The following NUBPL variants were observed in gnomAD, a reference collection of about 807,000 sequenced individuals.
The protein encoded by NUBPL is iron-sulfur cluster transfer protein NUBPL.
NUBPL carries 31 observed loss-of-function variants against 45.7 expected under a neutral mutation model. The observed-to-expected ratio is 0.68, with a 90% CI of 0.51 to 0.92. The LOEUF is 0.92. NUBPL is among the 40% of genes least tolerant of loss of function. The pLI, the probability that NUBPL is intolerant of heterozygous loss-of-function variation, is 0.00. For synonymous variants in NUBPL, 144 were observed against 140.9 expected (o/e 1.02, Z -0.15); for missense variants, 401 against 398.7 (o/e 1.01, Z -0.05).
rs182123084 is a variant in NUBPL at position 31,573,308 on chromosome 14, C to T, written c.291+8260C>T. The stretch of plus-strand genomic sequence containing the variant: ...GTATTCCATGATTCTACTTGGCCCT[C>T]TTCTCATTTTATACTCTACCTAGTG... On this transcript the variant is annotated intron_variant, in intron 3 of 10. Transcript: ENST00000281081. Among the ~76,000 whole-genome samples the T allele has an allele frequency of 1.6e-4, 24 of 152,248 alleles. No homozygotes were observed. In the East Asian group the frequency reaches 1.9e-3, roughly 12 times the overall value.
intron 6 of NUBPL, among the ~76,000 whole-genome samples, chr14:31,787,097 G>A (rs746099649): frequency 2.6e-5 from 4 of 152,086 alleles, no homozygotes; most frequent in Non-Finnish European, 4.4e-5. Flanking sequence ...GTCATTCCAC[G>A]TTTCTGCTTT....
At chr14:31,788,434 A>G (rs969121816) in intron 7 of NUBPL, among the ~76,000 whole-genome samples, 18 of 152,020 alleles carry the variant, frequency 1.2e-4, no homozygotes, top group African/African-American at 4.4e-4. Context: ...TTAAGTCCCT[A>G]CCTTGTCCCT....
rs2040700315 is a variant in NUBPL, at chr14:31,860,733, A to T, written c.*1553A>T. The T allele has an allele frequency of 6.6e-6, 1 of 152,250 alleles. No homozygotes were observed. The highest frequency in any genetic ancestry group is 1.5e-5 in the Non-Finnish European group (1 of 68,046). The allele number at this position is 152,250 out of a possible 1,614,324, so 9.4% of individuals were successfully genotyped here. A position where few individuals can be genotyped will look rare whatever the true frequency, so the allele number is the denominator to read the frequency against. ...AATTTTATGTGTAATAACCAAAAAC[A>T]ACCCAGATTTTCTTCATTGGGTAAA... On this transcript the variant is annotated 3_prime_UTR_variant, in exon 11 of 11. Transcript: ENST00000281081.
chr14:31,694,577 G>A (rs559891184), intron 6 of NUBPL, among the ~76,000 whole-genome samples: 28 of 152,232 alleles, frequency 1.8e-4, no homozygotes, highest in East Asian at 1.4e-3. Flanking sequence ...GTGCAGTGGC[G>A]TGATCTCAGC....
At chr14:31,602,719 A>C (rs1347352856) in intron 4 of NUBPL, among the ~76,000 whole-genome samples, 2 of 152,192 alleles carry the variant, frequency 1.3e-5, no homozygotes, top group Non-Finnish European at 1.5e-5. Context: ...GTAAGTGATC[A>C]AAAATGGTAG....
At chr14:31,638,187 T>C (rs993581094) in intron 4 of NUBPL, among the ~76,000 whole-genome samples, 2 of 152,330 alleles carry the variant, frequency 1.3e-5, no homozygotes, top group South Asian at 4.1e-4. Context: ...CTAGTCTCGA[T>C]GGTCTTTACA....
intron 6 of NUBPL, among the ~76,000 whole-genome samples, chr14:31,777,755 G>A (rs1358382622): frequency 5.3e-5 from 8 of 152,172 alleles, no homozygotes; most frequent in South Asian, 2.1e-4. Context: ...TCACCTGAGT[G>A]GTAGTATTTA....
At chr14:31,627,590 C>A (rs1051707727) in intron 4 of NUBPL, among the ~76,000 whole-genome samples, 3 of 151,658 alleles carry the variant, frequency 2.0e-5, no homozygotes, top group East Asian at 1.9e-4. Flanking sequence ...CACAGTGAAA[C>A]CTTGTCTCTA....
chr14:31,609,048 C>T (rs763465262), intron 4 of NUBPL, among the ~76,000 whole-genome samples: 1 of 151,942 alleles, frequency 6.6e-6, no homozygotes, highest in Non-Finnish European at 1.5e-5. Flanking sequence ...AACCAGAAAA[C>T]AAGTAACAAT....
At chr14:31,727,047 G>A (rs2037941991) in intron 6 of NUBPL, among the ~76,000 whole-genome samples, 1 of 152,046 alleles carries the variant, frequency 6.6e-6, no homozygotes, top group Admixed American at 6.6e-5. Flanking sequence ...CTCTTGTTGA[G>A]TTAGCGAATA....
chr14:31,657,526 T>G (rs1259086533), intron 4 of NUBPL, among the ~76,000 whole-genome samples: 1 of 152,216 alleles, frequency 6.6e-6, no homozygotes, highest in Non-Finnish European at 1.5e-5. Context: ...TTTTCTATTT[T>G]TGTCCTTCAT....
chr14:31,705,442 G>A (rs1360030821), intron 6 of NUBPL, among the ~76,000 whole-genome samples: 1 of 152,202 alleles, frequency 6.6e-6, no homozygotes, highest in East Asian at 1.9e-4. Flanking sequence ...TTTACAGAGA[G>A]CTGATTGGTC....
intron 7 of NUBPL, among the ~76,000 whole-genome samples, chr14:31,813,898 G>A (rs562136643): frequency 6.6e-6 from 1 of 152,302 alleles, no homozygotes; most frequent in African/African-American, 2.4e-5. Context: ...GTATTCCATG[G>A]TGTATATGTG....
intron 4 of NUBPL, among the ~76,000 whole-genome samples, chr14:31,631,964 C>T (rs2035356660): frequency 1.3e-5 from 2 of 152,236 alleles, no homozygotes; most frequent in South Asian, 4.1e-4. Context: ...TCATCATACT[C>T]CTCAAACTCT....
At chr14:31,825,818 CCTT>C (rs561284735) in intron 7 of NUBPL, among the ~76,000 whole-genome samples, 20 of 149,972 alleles carry the variant, frequency 1.3e-4, no homozygotes, top group African/African-American at 2.9e-4. Flanking sequence ...TCCTCCTCCT[CCTT>C]CTTCTTCTTC....
intron 4 of NUBPL, among the ~76,000 whole-genome samples, chr14:31,630,775 G>A (rs1049683480): frequency 6.6e-6 from 1 of 152,100 alleles, no homozygotes; most frequent in Non-Finnish European, 1.5e-5. Flanking sequence ...CATGTATTGT[G>A]AGATCTTTCC....
intron 7 of NUBPL, among the ~76,000 whole-genome samples, chr14:31,818,832 G>A (rs1171724907): frequency 6.6e-6 from 1 of 152,214 alleles, no homozygotes; most frequent in East Asian, 1.9e-4. Flanking sequence ...ACAGGCGTGA[G>A]CTGCCGTGCC....
chr14:31,810,000 G>A (rs1566574828), intron 7 of NUBPL, among the ~76,000 whole-genome samples: 1 of 152,140 alleles, frequency 6.6e-6, no homozygotes. Context: ...TGTGATTTCT[G>A]TTCTTTTACA....
chr14:31,803,288 T>C (rs999176143), intron 7 of NUBPL, among the ~76,000 whole-genome samples: 7 of 152,222 alleles, frequency 4.6e-5, no homozygotes, highest in African/African-American at 1.4e-4. Flanking sequence ...TAAAATCTTT[T>C]ATTTTTTTAA....
Sources: gnomAD v4.1 joint callset for allele counts (sites outside exome capture counted in the v4.1 genomes callset) on GRCh38, gnomAD v4.1.1 for gene constraint, MANE v1.5 for transcripts, NCBI Gene and HGNC (gene_info 2026-07-23, HGNC 2026-07-21) for gene names.